The following LRCH1 variants were observed in gnomAD, a reference collection of about 807,000 sequenced individuals.
LRCH1 encodes the protein leucine-rich repeat and calponin homology domain-containing protein 1.
A neutral mutation model predicts 94.9 loss-of-function variants in LRCH1; 23 were observed. The ratio of observed to expected loss-of-function variants is 0.24; its 90% CI spans 0.17 to 0.34. The LOEUF is 0.34. LRCH1 is among the 10% of genes least tolerant of loss of function. LRCH1 has a pLI of 1.00. For synonymous variants in LRCH1, 364 were observed against 354.9 expected (o/e 1.03, Z -0.29); for missense variants, 790 against 945.9 (o/e 0.84, Z 2.16).
In LRCH1 at chr13:46,741,636, G is replaced by T; in HGVS notation, c.2086-6G>T. 6.2e-7 allele frequency: 1 copy of T among 1,614,074 alleles called. No homozygotes were observed. The highest frequency in any genetic ancestry group is 8.5e-7 in the Non-Finnish European group (1 of 1,179,966). On this transcript the variant is annotated splice_region_variant and splice_polypyrimidine_tract_variant and intron_variant, in intron 19 of 19. Transcript: ENST00000389797. ...CTTTCTGTTCTAATGGCTGCCCTCG[G>T]AATAGGCTGACCTCTGCTCTCCGTG...
At chr13:46,739,056 T>C (rs1364983156) in intron 19 of LRCH1, among the ~76,000 whole-genome samples, 1 of 152,194 alleles carries the variant, frequency 6.6e-6, no homozygotes, top group Non-Finnish European at 1.5e-5. Context: ...CATATTGACT[T>C]TTTATATTAA....
chr13:46,744,915 T>C (rs1012895008), downstream of LRCH1: 11 of 983,978 alleles, frequency 1.1e-5, no homozygotes, highest in Admixed American at 6.1e-5. Context: ...GCCCTTTTTT[T>C]CTTCTTTAAG....
At chr13:46,705,382 T>C (rs1353108657) in intron 13 of LRCH1, 78 bp downstream of exon 13, 1 of 1,247,986 alleles carries the variant, frequency 8.0e-7, no homozygotes, top group African/African-American at 1.5e-5. Context: ...TCTGTAAAGA[T>C]TTGTCAGGGA....
chr13:46,695,888 C>G (rs2147162), intron 9 of LRCH1, among the ~76,000 whole-genome samples: 121,668 of 152,142 alleles, frequency 0.8, 49,047 homozygotes, highest in African/African-American at 0.91. Flanking sequence ...AGGAGACCTT[C>G]GTGTGCTCAG....
intron 1 of LRCH1, among the ~76,000 whole-genome samples, chr13:46,574,628 T>G (rs1458128245): frequency 6.6e-6 from 1 of 152,228 alleles, no homozygotes; most frequent in Non-Finnish European, 1.5e-5. Flanking sequence ...TCCCCACTTT[T>G]TAAAGCATTT....
chr13:46,686,076 G>C, intron 5 of LRCH1, 35 bp downstream of exon 5: 1 of 1,470,300 alleles, frequency 6.8e-7, no homozygotes, highest in African/African-American at 1.4e-5. Context: ...ATGCCCCATG[G>C]GATGTGCTGT....
chr13:46,694,982 G>GCAGTTTA lies in LRCH1; in HGVS notation c.1213_1214insTTTACAG (p.Asp405ValfsTer13), dbSNP rs1871101162. On this transcript the variant is annotated frameshift_variant, in exon 9 of 20. Transcript: ENST00000389797. LOFTEE classifies it high-confidence loss of function. ...AGAAAGAGACCAGTTTACTGATAGA[G>GCAGTTTA]CAGATGGTCTCCATTCGGAATTTAT... 1 of 1,613,940 alleles carries GCAGTTTA rather than the reference G, an allele frequency of 6.2e-7. No individual in the cohort carries two copies.
intron 3 of LRCH1, among the ~76,000 whole-genome samples, chr13:46,670,721 A>G (rs2051588777): frequency 6.7e-6 from 1 of 148,780 alleles, no homozygotes; most frequent in Non-Finnish European, 1.5e-5. Flanking sequence ...GGGAATGATT[A>G]ATTAATTCAG....
rs1035235858 is a variant in LRCH1, at chr13:46,744,536, GC to G, written c.*2692del. The stretch of plus-strand genomic sequence containing the variant: ...TATGAAATGGGGCTGGTGGAAAGGG[GC>G]CCCGCAGAACTACAATGTATGATAA... On this transcript the variant is annotated 3_prime_UTR_variant, in exon 20 of 20. Coordinates refer to ENST00000389797, the MANE Select transcript of LRCH1 (RefSeq NM_001164211.2). The G allele has an allele frequency of 2.0e-6, 2 of 985,236 alleles. No homozygotes were observed. The highest frequency in any genetic ancestry group is 3.5e-5 in the African/African-American group (2 of 57,186). 61.0% of individuals were successfully genotyped at this position (985,236 alleles called of 1,614,324 possible). A position where few individuals can be genotyped will look rare whatever the true frequency, so the allele number is the denominator to read the frequency against.
intron 16 of LRCH1, 131 bp from the exon 17 acceptor site, chr13:46,723,090 T>G (rs1872657755): frequency 1.8e-6 from 1 of 540,724 alleles, no homozygotes; most frequent in East Asian, 3.1e-5. Flanking sequence ...CTTGTGGATT[T>G]GGAATTTCTT....
intron 1 of LRCH1, among the ~76,000 whole-genome samples, chr13:46,643,292 A>AT (rs1178918126): frequency 1.3e-5 from 2 of 152,128 alleles, no homozygotes; most frequent in Non-Finnish European, 2.9e-5. Context: ...TGTATCTGTC[A>AT]TTGTTAGTGG....
downstream of LRCH1, among the ~76,000 whole-genome samples, chr13:46,749,607 ATT>A (rs35809899): frequency 0.11 from 16,278 of 151,506 alleles, 919 homozygotes; most frequent in Middle Eastern, 0.16. Context: ...AATAAATACA[ATT>A]TTTTTTTTCC....
At chr13:46,704,701 A>G (rs1229666985) in intron 11 of LRCH1, among the ~76,000 whole-genome samples, 1 of 152,092 alleles carries the variant, frequency 6.6e-6, no homozygotes, top group African/African-American at 2.4e-5. Context: ...ACCAAATGCC[A>G]TTGGTACATA....
chr13:46,698,691 A>T (rs1166580329), intron 9 of LRCH1, among the ~76,000 whole-genome samples: 1 of 152,204 alleles, frequency 6.6e-6, no homozygotes, highest in Non-Finnish European at 1.5e-5. Flanking sequence ...CAATACAAGA[A>T]GGTGCTAAAA....
In LRCH1 at chr13:46,699,416, G is replaced by A. The variant is rs779418425; in HGVS notation, c.1313+13G>A. 6.2e-7 allele frequency: 1 copy of A among 1,612,418 alleles called. No homozygotes were observed. The highest frequency in any genetic ancestry group is 1.1e-5 in the South Asian group (1 of 91,048). On this transcript the variant is annotated intron_variant, in intron 10 of 19. Coordinates refer to ENST00000389797, the MANE Select transcript of LRCH1 (RefSeq NM_001164211.2). ...AAACTGAGGGCATGTGAGTGCCGAGGCCTTGGTTACAAGCCATCATCACTC... is the reference window on the plus strand; with the variant it reads ...AAACTGAGGGCATGTGAGTGCCGAGACCTTGGTTACAAGCCATCATCACTC...
intron 15 of LRCH1, 30 bp from the exon 16 acceptor site, chr13:46,715,530 A>T (rs1297205552): frequency 1.5e-6 from 2 of 1,323,134 alleles, no homozygotes; most frequent in Non-Finnish European, 2.1e-6. Context: ...GTGCAACTGT[A>T]CGCGGACTGG....
chr13:46,602,892 T>C (rs2050643411), intron 1 of LRCH1, among the ~76,000 whole-genome samples: 1 of 152,088 alleles, frequency 6.6e-6, no homozygotes, highest in Admixed American at 6.5e-5. Context: ...AGTGCTGCAG[T>C]GAACCATGAT....
Position 46,613,342 on chromosome 13 carries a change from A to G in LRCH1, c.308-36859A>G, listed in dbSNP as rs188998561. On this transcript the variant is annotated intron_variant, in intron 1 of 19. Transcript: ENST00000389797. ...GAGTCAGAGGTTGCAATGAGCCAAGATTGCGGCTGCACTCCTGCCTGGTGA... is the reference window on the plus strand; with the variant it reads ...GAGTCAGAGGTTGCAATGAGCCAAGGTTGCGGCTGCACTCCTGCCTGGTGA... Among the ~76,000 whole-genome samples, 326 of 151,920 alleles carry G rather than the reference A, an allele frequency of 2.1e-3. 2 individuals are homozygous for G. The highest frequency in any genetic ancestry group is 6.9e-3 in the African/African-American group (284 of 41,422).
At chr13:46,567,764 C>T (rs1226427365) in intron 1 of LRCH1, among the ~76,000 whole-genome samples, 7 of 152,138 alleles carry the variant, frequency 4.6e-5, no homozygotes, top group African/African-American at 1.7e-4. Context: ...TGAAGGCTTG[C>T]TTTTGTCTCT....
Sources: allele counts gnomAD v4.1 joint callset (sites outside exome capture counted in the v4.1 genomes callset), GRCh38; gene constraint gnomAD v4.1.1; transcripts MANE v1.5; gene names NCBI Gene and HGNC (gene_info 2026-07-23, HGNC 2026-07-21).